ZSCAN18: variants seen among roughly 807,000 people sequenced by gnomAD.
The protein encoded by ZSCAN18 is zinc finger and SCAN domain-containing protein 18.
In ZSCAN18, 16 loss-of-function variants were observed where a neutral mutation model predicts 31.1. That is an observed-to-expected ratio of 0.51 (90% CI 0.35 to 0.78). ZSCAN18 has a LOEUF of 0.78. Among genes scored for constraint, ZSCAN18 ranks in the 30% least tolerant of loss-of-function variants. ZSCAN18 has a pLI of 0.01. For synonymous variants in ZSCAN18, 375 were observed against 320.7 expected, an observed-to-expected ratio of 1.17 and a Z score of -1.81; for missense variants, 731 against 697.4, an observed-to-expected ratio of 1.05 and a Z score of -0.54.
chr19:58,088,584 C>T, intron 3 of ZSCAN18, 104 bp downstream of exon 3: 1 of 1,177,830 alleles, frequency 8.5e-7, no homozygotes, highest in Non-Finnish European at 1.2e-6. Context: ...GACCATGGAG[C>T]CCCTGACTCC....
intron 1 of ZSCAN18, among the ~76,000 whole-genome samples, chr19:58,112,154 G>T (rs989062434): frequency 3.3e-5 from 5 of 152,128 alleles, no homozygotes; most frequent in African/African-American, 1.2e-4. Context: ...TCCCACCTCA[G>T]TCTCCCCATA....
chr19:58,117,671 A>C (rs774804455), intron 1 of ZSCAN18, among the ~76,000 whole-genome samples: 4 of 146,116 alleles, frequency 2.7e-5, no homozygotes, highest in East Asian at 2.0e-4. Flanking sequence ...GGAAGAGAGG[A>C]GGGGTCCATA....
rs1199738291 is a variant in ZSCAN18, at chr19:58,090,237, G to A, written c.31C>T (p.Pro11Ser). 68 of 1,613,538 alleles carry A rather than the reference G, an allele frequency of 4.2e-5. No homozygotes were observed. Among genetic ancestry groups the A allele is most frequent in the Non-Finnish European group, 5.7e-5 (67 of 1,180,030 alleles). MLPLEKAFAS[P>S]RSSPAPPDLP... ...TCCGGCGGGGCTGGGGAGCTCCTGG[G>A]GGAGGCAAACGCCTTCTCCAAAGGC... Residue 11 changes from proline (P) to serine (S), a missense_variant, in exon 2 of 7, where the codon CCC (proline) becomes TCC (serine). This residue lies in a region of ZSCAN18 where 86 missense variants were observed against 119.1 expected (regional missense o/e 0.72). Coordinates refer to ENST00000601144, the MANE Select transcript of ZSCAN18 (RefSeq NM_001145543.2). The surrounding 1 kb of genome is among the most constrained non-coding windows in gnomAD (Gnocchi z 4.7).
rs2074229551 is a variant in ZSCAN18 at position 58,084,836 on chromosome 19, T to G, written c.1382A>C (p.Lys461Thr). The change falls in exon 7 of 7, where the codon AAG (lysine) becomes ACG (threonine). Residue 461 changes from lysine (K) to threonine (T), a missense_variant. By Grantham distance (78) the Lys-to-Thr change is moderately conservative. Transcript: ENST00000601144. The surrounding 1 kb of genome is among the most constrained non-coding windows in gnomAD (Gnocchi z 4.5). ...HFSLALAEHQ[K>T]THEKEKSYAL... ...GTAGCTTTTCTCCTTCTCGTGGGTCTTCTGGTGCTCGGCTAGGGCCAGGCT... is the reference window on the plus strand; with the variant it reads ...GTAGCTTTTCTCCTTCTCGTGGGTCGTCTGGTGCTCGGCTAGGGCCAGGCT... 2 of 1,598,528 alleles carry G rather than the reference T, an allele frequency of 1.3e-6. No homozygotes were observed. The highest frequency in any genetic ancestry group is 1.7e-6 in the Non-Finnish European group (2 of 1,175,002).
At chr19:58,118,231 G>A (rs2074749237) in intron 1 of ZSCAN18, 4 of 1,126,438 alleles carry the variant, frequency 3.6e-6, no homozygotes, top group South Asian at 1.7e-5. Context: ...CGCAGCCACC[G>A]CCCAGCCCCA....
At chr19:58,099,573 G>A (rs1026147496), upstream of ZSCAN18, among the ~76,000 whole-genome samples, 1 of 152,084 alleles carries the variant, frequency 6.6e-6, no homozygotes, top group African/African-American at 2.4e-5. Flanking sequence ...ATTTTTCTGT[G>A]AACGTAAGTT....
intron 1 of ZSCAN18, among the ~76,000 whole-genome samples, chr19:58,105,656 G>A (rs539177692): frequency 4.7e-5 from 7 of 148,758 alleles, no homozygotes; most frequent in African/African-American, 7.5e-5. Context: ...GTGAGACTCC[G>A]TCTCAAAAAA....
intron 1 of ZSCAN18, among the ~76,000 whole-genome samples, chr19:58,113,041 C>T (rs985245251): frequency 1.3e-5 from 2 of 149,662 alleles, no homozygotes; most frequent in East Asian, 4.0e-4. Context: ...AAGGGCCAGG[C>T]GCAGTGGCTC....
upstream of ZSCAN18, among the ~76,000 whole-genome samples, chr19:58,102,003 T>C (rs1008013272): frequency 3.9e-5 from 6 of 152,092 alleles, no homozygotes; most frequent in Non-Finnish European, 5.9e-5. Flanking sequence ...ACCTATTAGC[T>C]TCCAGGCATA....
At chr19:58,117,719 G>A (rs1455554297) in intron 1 of ZSCAN18, among the ~76,000 whole-genome samples, 7 of 138,736 alleles carry the variant, frequency 5.0e-5, no homozygotes, top group Admixed American at 7.2e-5. Flanking sequence ...GTGCCCGCAG[G>A]AAAAAAAAAA....
rs192740898 is a variant in ZSCAN18, at chr19:58,103,895, G to C, written c.131-13509C>G. On this transcript the variant is annotated intron_variant, in intron 1 of 1. Transcript: ENST00000595721. Reference sequence around the variant, plus strand: ...GAGGGAAATGAAAAGTGTGACTCCAGTGAATATGTGAATGACAAGAAACTG... The same window carrying C: ...GAGGGAAATGAAAAGTGTGACTCCACTGAATATGTGAATGACAAGAAACTG... Among the ~76,000 whole-genome samples, 10 of 152,332 alleles carry C rather than the reference G, an allele frequency of 6.6e-5. No homozygotes were observed. The East Asian group carries it at 1.9e-3, about 29-fold the overall frequency.
chr19:58,106,567 A>G lies in ZSCAN18; in HGVS notation c.130+11700T>C, dbSNP rs1264871554. On this transcript the variant is annotated intron_variant, in intron 1 of 1. Transcript: ENST00000595721. ...AATACAAAAAAAATTAGCCGGGCGT[A>G]GTGGCGGGCGCCTGTAGTCCCAGCT... Among the ~76,000 whole-genome samples, 4 of 43,232 alleles carry G rather than the reference A, an allele frequency of 9.3e-5. 1 individual carries two copies. The highest frequency in any genetic ancestry group is 2.3e-4 in the African/African-American group (4 of 17,042). The allele number at this position is 43,232 out of a possible 152,430, so 28.4% of individuals were successfully genotyped here. A position where few individuals can be genotyped will look rare whatever the true frequency, so the allele number is the denominator to read the frequency against.
intron 2 of ZSCAN18, among the ~76,000 whole-genome samples, chr19:58,089,610 C>T (rs4801555): frequency 0.24 from 36,749 of 152,134 alleles, 4,574 homozygotes; most frequent in South Asian, 0.33. Flanking sequence ...TAGTGACAGA[C>T]TGAGACTCCG....
intron 1 of ZSCAN18, among the ~76,000 whole-genome samples, chr19:58,103,471 T>TATC (rs1469550902): frequency 6.6e-6 from 1 of 152,220 alleles, no homozygotes; most frequent in African/African-American, 2.4e-5. Context: ...GCATTATTAT[T>TATC]ATCTGTTATG....
At chr19:58,107,699 CAA>C (rs1481372742) in intron 1 of ZSCAN18, 2 of 988,474 alleles carry the variant, frequency 2.0e-6, no homozygotes, top group South Asian at 4.7e-5. Context: ...AAGTCTCTGA[CAA>C]AGAGGAGGCA....
chr19:58,102,304 C>T (rs1392067661), upstream of ZSCAN18, among the ~76,000 whole-genome samples: 4 of 151,824 alleles, frequency 2.6e-5, no homozygotes, highest in African/African-American at 9.7e-5. Flanking sequence ...CAAGAAAATA[C>T]AAAAAAATTA....
At chr19:58,113,852 C>A (rs2074708261) in intron 1 of ZSCAN18, among the ~76,000 whole-genome samples, 2 of 152,084 alleles carry the variant, frequency 1.3e-5, no homozygotes, top group Admixed American at 1.3e-4. Context: ...GTGGCATGCG[C>A]CTGAAATCCC....
chr19:58,091,097 C>T (rs1039356263), intron 1 of ZSCAN18, among the ~76,000 whole-genome samples: 1 of 151,256 alleles, frequency 6.6e-6, no homozygotes, highest in African/African-American at 2.4e-5. Context: ...TGGTGAAACC[C>T]CGTCTCTACT....
Position 58,084,811 on chromosome 19 carries a change from G to A in ZSCAN18, c.1407C>T (p.Tyr469=), listed in dbSNP as rs1026091088. 11 of 1,588,252 alleles carry A rather than the reference G, an allele frequency of 6.9e-6. No individual in the cohort carries two copies. Among genetic ancestry groups the A allele is most frequent in the South Asian group, 1.1e-5 (1 of 88,368 alleles). ...HQKTHEKEKS[Y]ALGGARGPQP... ...GGGGGCCCCGGGCGCCCCCCAGCGC[G>A]TAGCTTTTCTCCTTCTCGTGGGTCT... The change falls in exon 7 of 7, where the codon TAC becomes TAT. Residue 469 remains tyrosine, a synonymous_variant. Coordinates refer to ENST00000601144, the MANE Select transcript of ZSCAN18 (RefSeq NM_001145543.2). The surrounding 1 kb of genome is among the most constrained non-coding windows in gnomAD (Gnocchi z 4.5).
Sources: allele counts gnomAD v4.1 joint callset (sites outside exome capture counted in the v4.1 genomes callset), GRCh38; gene constraint gnomAD v4.1.1; regional missense constraint gnomAD v4.1.1; non-coding constraint Gnocchi (gnomAD v3.1); transcripts MANE v1.5; gene names NCBI Gene and HGNC (gene_info 2026-07-23, HGNC 2026-07-21).